Variants in ZNF90 observed in about 807,000 individuals in gnomAD.
ZNF90 encodes zinc finger protein HTF9.
A neutral mutation model predicts 12.0 loss-of-function variants in ZNF90; 11 were observed. The observed-to-expected ratio is 0.92, with a 90% confidence interval of 0.58 to 1.52. The LOEUF (loss-of-function observed/expected upper bound fraction) is 1.52, where lower values mean the gene tolerates loss of function less well. ZNF90 is among the 40% of genes most tolerant of loss of function. ZNF90 has a pLI of 0.00. For missense variants in ZNF90, 765 were observed against 711.5 expected (o/e 1.08, Z -0.86); for synonymous variants, 232 against 240.1 (o/e 0.97, Z 0.31).
chr19:20,118,320 C>G lies in ZNF90; in HGVS notation c.766C>G (p.Arg256Gly), dbSNP rs562770132. The G allele has an allele frequency of 6.4e-7, 1 of 1,562,366 alleles. No homozygotes were observed. Among genetic ancestry groups the G allele is most frequent in the Non-Finnish European group, 8.7e-7 (1 of 1,152,946 alleles). The change falls in exon 4 of 4, where the codon CGG becomes GGG. Residue 256 changes from arginine (R) to glycine (G), a missense_variant. Arg to Gly is a moderately radical substitution (Grantham distance 125). Transcript: ENST00000418063. ...AHKRIHTGEK[R>G]YKCEDCGKEL... ...TAAGAGAATTCATACTGGAGAGAAA[C>G]GGTACAAATGTGAAGATTGTGGCAA...
At chr19:20,084,144 C>T (rs111232583) in intron 1 of ZNF90, among the ~76,000 whole-genome samples, 3,502 of 151,920 alleles carry the variant, frequency 0.023, 58 homozygotes, top group Non-Finnish European at 0.031. Flanking sequence ...AACTCCACCT[C>T]CCAGGTTCAA....
chr19:20,081,966 A>G (rs1023438385), intron 1 of ZNF90, among the ~76,000 whole-genome samples: 28 of 151,424 alleles, frequency 1.8e-4, no homozygotes, highest in Admixed American at 8.5e-4. Context: ...GGGTTTCACC[A>G]TGTTAGCCAG....
In ZNF90 at chr19:20,120,774, A is replaced by G. The variant is rs1279890951; in HGVS notation, c.*1414A>G. 6.6e-6 allele frequency: 1 copy of G among 152,206 alleles called. No homozygotes were observed. The highest frequency in any genetic ancestry group is 2.4e-5 in the African/African-American group (1 of 41,452). 9.4% of individuals were successfully genotyped at this position (152,206 alleles called of 1,614,324 possible). A position where few individuals can be genotyped will look rare whatever the true frequency, so the allele number is the denominator to read the frequency against. On this transcript the variant is annotated 3_prime_UTR_variant, in exon 4 of 4. Transcript: ENST00000418063. ...AGGTTTTTTGAAGCATTGTAATTAC[A>G]TTGAAAGTATACTTGCTTTCTTGAG...
intron 1 of ZNF90, among the ~76,000 whole-genome samples, chr19:20,086,232 C>CTTTT (rs59433953): frequency 6.6e-3 from 652 of 99,380 alleles, no homozygotes; most frequent in Non-Finnish European, 9.7e-3. Flanking sequence ...ATTTTCTTTT[C>CTTTT]TTTTTTTTTT....
Position 20,117,957 on chromosome 19 carries a change from C to T in ZNF90, c.403C>T (p.Gln135Ter). 1 of 1,613,338 alleles carries T rather than the reference C, an allele frequency of 6.2e-7. No individual in the cohort carries two copies. Among genetic ancestry groups the T allele is most frequent in the Non-Finnish European group, 8.5e-7 (1 of 1,179,690 alleles). ...CAAAAGAGGTTATAATGGACTTAACCAATGTTTGACAGCTACCCAGAGCAA... is the reference window on the plus strand; with the variant it reads ...CAAAAGAGGTTATAATGGACTTAACTAATGTTTGACAGCTACCCAGAGCAA... Reference protein sequence around the residue: ...VHKRGYNGLNQCLTATQSKVF... With the variant: ...VHKRGYNGLN The change falls in exon 4 of 4, where the codon CAA (glutamine) becomes TAA (stop). Residue 135 changes from glutamine (Q) to a stop codon, truncating the protein, a stop_gained. Transcript: ENST00000418063. LOFTEE classifies it low-confidence loss of function (END_TRUNC).
chr19:20,091,976 CT>C (rs1211328206), intron 1 of ZNF90, among the ~76,000 whole-genome samples: 1 of 152,026 alleles, frequency 6.6e-6, no homozygotes, highest in East Asian at 1.9e-4. Flanking sequence ...GTGATTAGGC[CT>C]GGTGGAACTG....
In ZNF90 at chr19:20,120,261, G is replaced by C. The variant is rs1298135415; in HGVS notation, c.*901G>C. On this transcript the variant is annotated 3_prime_UTR_variant, in exon 4 of 4. Coordinates refer to ENST00000418063, the MANE Select transcript of ZNF90 (RefSeq NM_007138.2). ...CTTACCCAACAGAAGGTGGTTCACA[G>C]TTAATGAAAGCATTTAAAGTGCAAT... Among the ~76,000 whole-genome samples the C allele has an allele frequency of 6.6e-6, 1 of 152,210 alleles. No homozygotes were observed. Among genetic ancestry groups the C allele is most frequent in the Non-Finnish European group, 1.5e-5 (1 of 68,042 alleles).
rs782681352 is a variant in ZNF90, at chr19:20,118,778, C to T, written c.1224C>T (p.Arg408=). The T allele has an allele frequency of 3.9e-5, 63 of 1,606,652 alleles. No individual in the cohort carries two copies. In the Admixed American group the frequency reaches 9.9e-4, roughly 25 times the overall value. Residue 408 remains arginine (R), a synonymous_variant, in exon 4 of 4, where the codon CGC becomes CGT. Coordinates refer to ENST00000418063, the MANE Select transcript of ZNF90 (RefSeq NM_007138.2). The stretch of plus-strand genomic sequence containing the variant: ...AAGAATGTGGCAAAGCCTTCAAGCG[C>T]TCCTCAACACTTACTATACATAAGA... The part of the protein sequence containing the change: ...KCEECGKAFK[R]SSTLTIHKIS...
rs142650046 is a variant in ZNF90 at position 20,091,163 on chromosome 19, A to C, written c.3+13028A>C. 1.1e-3 allele frequency among the ~76,000 whole-genome samples: 165 copies of C among 152,198 alleles called. 1 individual carries two copies. Among genetic ancestry groups the C allele is most frequent in the African/African-American group, 3.9e-3 (161 of 41,526 alleles). On this transcript the variant is annotated intron_variant, in intron 1 of 3. Coordinates refer to ENST00000418063, the MANE Select transcript of ZNF90 (RefSeq NM_007138.2). ...GTGTCTACCCAGACTAAGATATTTT[A>C]GTTTTCTGACTCGAGGCATGTGAGT...
intron 3 of ZNF90, among the ~76,000 whole-genome samples, chr19:20,112,663 C>A (rs1463073173): frequency 6.6e-6 from 1 of 152,096 alleles, no homozygotes; most frequent in South Asian, 2.1e-4. Flanking sequence ...TGCTGATGAA[C>A]CCTCTTAACT....
intron 3 of ZNF90, among the ~76,000 whole-genome samples, chr19:20,111,096 C>T (rs997656942): frequency 4.6e-5 from 7 of 152,042 alleles, no homozygotes; most frequent in Admixed American, 3.3e-4. Context: ...GTGCCATGAC[C>T]AATGTGATGT....
In ZNF90 at chr19:20,106,742, T is replaced by C. The variant is rs367646713; in HGVS notation, c.226+1426T>C. Among the ~76,000 whole-genome samples the C allele has an allele frequency of 4.6e-5, 7 of 152,196 alleles. No homozygotes were observed. In the East Asian group the frequency reaches 7.7e-4, roughly 17 times the overall value. ...TGCTAGGATTACAGGCGTGAGCCAC[T>C]GCGCCCGGCCCAGGTTTTCATAAAT... On this transcript the variant is annotated intron_variant, in intron 3 of 3. Coordinates refer to ENST00000418063, the MANE Select transcript of ZNF90 (RefSeq NM_007138.2).
chr19:20,089,863 G>T (rs542157546), intron 1 of ZNF90, among the ~76,000 whole-genome samples: 44 of 152,316 alleles, frequency 2.9e-4, no homozygotes, highest in African/African-American at 1.1e-3. Context: ...AAAGGCAGCA[G>T]TTGTTCGCCA....
chr19:20,082,054 G>A (rs1042944636), intron 1 of ZNF90, among the ~76,000 whole-genome samples: 12 of 151,984 alleles, frequency 7.9e-5, no homozygotes, highest in African/African-American at 2.2e-4. Context: ...GTGAGCCACC[G>A]CGCCTGGCCT....
Position 20,117,780 on chromosome 19 carries a change from G to C in ZNF90, c.227-1G>C. The stretch of plus-strand genomic sequence containing the variant: ...TAATGTGTTCTTATTGTTTCTTTCA[G>C]TTATGTGTTTTCATTTTGCCCAAGA... On this transcript the variant is annotated splice_acceptor_variant, in intron 3 of 3. Transcript: ENST00000418063. LOFTEE classifies it high-confidence loss of function. The C allele has an allele frequency of 6.6e-7, 1 of 1,508,332 alleles. No homozygotes were observed. The highest frequency in any genetic ancestry group is 1.4e-5 in the South Asian group (1 of 72,372). The allele number at this position is 1,508,332 out of a possible 1,614,324, so 93.4% of individuals were successfully genotyped here.
chr19:20,079,825 C>G (rs1285169424), intron 1 of ZNF90: 1 of 330,756 alleles, frequency 3.0e-6, no homozygotes, highest in Non-Finnish European at 6.0e-6. Flanking sequence ...CTCATCTGCT[C>G]GGCCACCCTG....
At chr19:20,083,514 A>G (rs2088836669) in intron 1 of ZNF90, among the ~76,000 whole-genome samples, 2 of 152,080 alleles carry the variant, frequency 1.3e-5, no homozygotes, top group Non-Finnish European at 2.9e-5. Context: ...TTTAGTAGCA[A>G]CAGGGTTTCT....
At chr19:20,112,570 C>G (rs2089099450) in intron 3 of ZNF90, among the ~76,000 whole-genome samples, 1 of 152,106 alleles carries the variant, frequency 6.6e-6, no homozygotes, top group South Asian at 2.1e-4. Context: ...AATCCACCCA[C>G]CTCGGCCTCC....
At chr19:20,083,609 G>A (rs2088837402) in intron 1 of ZNF90, among the ~76,000 whole-genome samples, 1 of 152,116 alleles carries the variant, frequency 6.6e-6, no homozygotes, top group Non-Finnish European at 1.5e-5. Flanking sequence ...TTACAGGCCT[G>A]AGCCACCACG....
Sources: allele counts gnomAD v4.1 joint callset (sites outside exome capture counted in the v4.1 genomes callset), GRCh38; gene constraint gnomAD v4.1.1; transcripts MANE v1.5; gene names NCBI Gene and HGNC (gene_info 2026-07-23, HGNC 2026-07-21).